Variants in LPXN observed in about 807,000 individuals in gnomAD.
LPXN encodes leupaxin.
A neutral mutation model predicts 45.6 loss-of-function variants in LPXN; 28 were observed. That is an observed-to-expected ratio of 0.61 (90% CI 0.45 to 0.84). LPXN has a LOEUF of 0.84. Among genes scored for constraint, LPXN ranks in the 40% least tolerant of loss-of-function variants. The pLI is 0.00. For synonymous variants in LPXN, 166 were observed against 169.9 expected (o/e 0.98, Z 0.18); for missense variants, 459 against 475.0 (o/e 0.97, Z 0.31).
intron 7 of LPXN, among the ~76,000 whole-genome samples, chr11:58,542,448 GT>G (rs947838335): frequency 6.6e-6 from 1 of 151,012 alleles, no homozygotes. Context: ...CTACATCAAG[GT>G]TTTTTTTAAA....
At chr11:58,571,998 T>A (rs1001864702) in intron 1 of LPXN, among the ~76,000 whole-genome samples, 2 of 152,182 alleles carry the variant, frequency 1.3e-5, no homozygotes, top group African/African-American at 4.8e-5. Flanking sequence ...GTCACATCCT[T>A]CTCTGATGCA....
chr11:58,553,335 CA>C lies in LPXN; in HGVS notation c.318+1505del, dbSNP rs35629114. Among the ~76,000 whole-genome samples the C allele has an allele frequency of 6.2e-3, 423 of 68,422 alleles. 4 individuals are homozygous for C. Among genetic ancestry groups the C allele is most frequent in the Middle Eastern group, 0.022 (3 of 138 alleles). The allele number at this position is 68,422 out of a possible 152,430, so 44.9% of individuals were successfully genotyped here. A position where few individuals can be genotyped will look rare whatever the true frequency, so the allele number is the denominator to read the frequency against. On this transcript the variant is annotated intron_variant, in intron 4 of 8. Transcript: ENST00000395074. ...TGGGTAACCGAGTAAGAATCTGTCT[CA>C]AAAAAAAAAAAAAAAAAAAAGATGG...
upstream of LPXN, chr11:58,578,128 A>G (rs1854964289): frequency 1.3e-6 from 2 of 1,507,232 alleles, no homozygotes; most frequent in Non-Finnish European, 8.9e-7. Context: ...ACACCCCGAG[A>G]AAGGTACGCC....
intron 4 of LPXN, among the ~76,000 whole-genome samples, chr11:58,553,577 A>G (rs1330121642): frequency 6.6e-6 from 1 of 152,164 alleles, no homozygotes; most frequent in African/African-American, 2.4e-5. Flanking sequence ...TCTCTAATAA[A>G]TATGTGTTGC....
At chr11:58,528,415 T>C (rs964753471) in intron 7 of LPXN, among the ~76,000 whole-genome samples, 1 of 152,250 alleles carries the variant, frequency 6.6e-6, no homozygotes, top group Non-Finnish European at 1.5e-5. Flanking sequence ...TGTTAGGGGC[T>C]ATTGCTCCTC....
In LPXN at chr11:58,533,381, A is replaced by T. The variant is rs545353351; in HGVS notation, c.743-5190T>A. 2.1e-3 allele frequency among the ~76,000 whole-genome samples: 322 copies of T among 152,348 alleles called. 1 individual carries two copies. Among genetic ancestry groups the T allele is most frequent in the Non-Finnish European group, 3.6e-3 (244 of 68,030 alleles). On this transcript the variant is annotated intron_variant, in intron 7 of 8. Transcript: ENST00000395074. ...GTGGGGGCCAATATTCAACATTCTT[A>T]AAAGCATTTTCAACCCAGAATTTCA... is the stretch of plus-strand genomic sequence containing the variant.
At chr11:58,533,857 AAGC>A (rs776368241) in intron 7 of LPXN, among the ~76,000 whole-genome samples, 29 of 152,320 alleles carry the variant, frequency 1.9e-4, no homozygotes, top group Admixed American at 4.6e-4. Context: ...AGAAAAAAAA[AAGC>A]AGGGGTTGCA....
chr11:58,544,726 A>C (rs74928558), intron 7 of LPXN, among the ~76,000 whole-genome samples: 4,028 of 152,258 alleles, frequency 0.026, 179 homozygotes, highest in African/African-American at 0.092. Context: ...AGAAATACTG[A>C]CAATTAAAAG....
At chr11:58,577,303 GC>G (rs1324599424), upstream of LPXN, among the ~76,000 whole-genome samples, 1 of 152,140 alleles carries the variant, frequency 6.6e-6, no homozygotes, top group African/African-American at 2.4e-5. Flanking sequence ...AATGACATTA[GC>G]CCTATGAAAA....
intron 7 of LPXN, among the ~76,000 whole-genome samples, chr11:58,528,457 G>C (rs1379433082): frequency 1.3e-5 from 2 of 152,158 alleles, no homozygotes; most frequent in Admixed American, 6.5e-5. Flanking sequence ...CCCTTGGCTT[G>C]GATAGTTCTG....
chr11:58,548,512 T>TTTTC (rs1853941997), intron 7 of LPXN, among the ~76,000 whole-genome samples: 1 of 151,574 alleles, frequency 6.6e-6, no homozygotes, highest in Non-Finnish European at 1.5e-5. Context: ...TTGAAAAGAA[T>TTTTC]TTCACAGTTC....
intron 4 of LPXN, among the ~76,000 whole-genome samples, chr11:58,552,551 A>ATACTATGTTGT (rs1854081751): frequency 6.6e-6 from 1 of 152,196 alleles, no homozygotes; most frequent in Non-Finnish European, 1.5e-5. Context: ...TCTTTTATTA[A>ATACTATGTTGT]TACTATGTTG....
chr11:58,551,406 C>T (rs989465042), intron 4 of LPXN, among the ~76,000 whole-genome samples, 174 bp from the exon 5 acceptor site: 3 of 152,194 alleles, frequency 2.0e-5, no homozygotes, highest in African/African-American at 7.2e-5. Context: ...CTTTTCATCT[C>T]CCTTTCATCC....
intron 2 of LPXN, among the ~76,000 whole-genome samples, chr11:58,566,880 T>C (rs765746371): frequency 3.9e-4 from 60 of 152,312 alleles, no homozygotes; most frequent in Non-Finnish European, 5.9e-4. Flanking sequence ...CAAAATCCAA[T>C]TGATGACATG....
intron 7 of LPXN, among the ~76,000 whole-genome samples, chr11:58,532,654 G>A (rs1590752286): frequency 6.6e-6 from 1 of 152,226 alleles, no homozygotes; most frequent in Admixed American, 6.5e-5. Flanking sequence ...CTCAGGGATT[G>A]TAAATGCACC....
At chr11:58,527,988 A>T in intron 8 of LPXN, 55 bp downstream of exon 8, 1 of 1,568,396 alleles carries the variant, frequency 6.4e-7, no homozygotes, top group Non-Finnish European at 8.7e-7. Flanking sequence ...TCTTCCTCTC[A>T]GAGAGGAGAA....
At chr11:58,531,542 G>T (rs1156959506) in intron 7 of LPXN, among the ~76,000 whole-genome samples, 2 of 152,074 alleles carry the variant, frequency 1.3e-5, no homozygotes, top group East Asian at 3.9e-4. Context: ...AAGCCTCCAA[G>T]AAATATGGGA....
chr11:58,565,021 A>C (rs2120354902), intron 2 of LPXN, among the ~76,000 whole-genome samples: 1 of 152,342 alleles, frequency 6.6e-6, no homozygotes, highest in East Asian at 1.9e-4. Flanking sequence ...GGACACAGGG[A>C]CAGCAAGTAA....
upstream of LPXN, chr11:58,578,058 A>G: frequency 6.4e-7 from 1 of 1,550,604 alleles, no homozygotes; most frequent in Non-Finnish European, 8.7e-7. Flanking sequence ...AACGCTGGCT[A>G]GCCAGTCCCA....
Sources: gnomAD v4.1 joint callset for allele counts (sites outside exome capture counted in the v4.1 genomes callset) on GRCh38, gnomAD v4.1.1 for gene constraint, MANE v1.5 for transcripts, NCBI Gene and HGNC (gene_info 2026-07-23, HGNC 2026-07-21) for gene names.